GCNT4: variants seen among roughly 807,000 people sequenced by gnomAD.
GCNT4 encodes the protein beta-1,3-galactosyl-O-glycosyl-glycoprotein beta-1,6-N-acetylglucosaminyltransferase 4.
A neutral mutation model predicts 31.3 loss-of-function variants in GCNT4; 17 were observed. That is an observed-to-expected ratio of 0.54 (90% confidence interval 0.37 to 0.81). The LOEUF (loss-of-function observed/expected upper bound fraction) is 0.81. Ranked by LOEUF, GCNT4 falls within the 40% of genes least tolerant of loss-of-function variation. The pLI is 0.00. For synonymous variants in GCNT4, 158 were observed against 190.6 expected (o/e 0.83, Z 1.41); for missense variants, 503 against 525.5 (o/e 0.96, Z 0.42).
chr5:75,049,568 T>C (rs563873845), intron 2 of GCNT4, among the ~76,000 whole-genome samples: 3 of 152,318 alleles, frequency 2.0e-5, no homozygotes, highest in African/African-American at 7.2e-5. Flanking sequence ...TACAAGCATA[T>C]GGGAATGCAT....
intron 3 of GCNT4, among the ~76,000 whole-genome samples, chr5:75,041,857 G>A (rs1482026401): frequency 6.6e-6 from 1 of 152,228 alleles, no homozygotes; most frequent in East Asian, 1.9e-4. Context: ...GTCTTTAGCA[G>A]GAAGTGTAAA....
At chr5:75,050,298 G>C (rs1233422480) in intron 2 of GCNT4, among the ~76,000 whole-genome samples, 1 of 152,188 alleles carries the variant, frequency 6.6e-6, no homozygotes, top group Non-Finnish European at 1.5e-5. Flanking sequence ...TACATTACAT[G>C]AGCTTGATAT....
downstream of GCNT4, among the ~76,000 whole-genome samples, chr5:75,021,318 A>C (rs1742877993): frequency 6.6e-6 from 1 of 152,202 alleles, no homozygotes; most frequent in Non-Finnish European, 1.5e-5. Flanking sequence ...AAGGAACAAG[A>C]GGTTCTTATT....
chr5:75,030,318 G>A (rs1743034148), intron 3 of GCNT4: 2 of 364,572 alleles, frequency 5.5e-6, no homozygotes, highest in Admixed American at 9.2e-5. Flanking sequence ...TAAATATAGT[G>A]TGTCTTATAT....
intron 2 of GCNT4, among the ~76,000 whole-genome samples, chr5:75,049,771 A>G (rs1181693075): frequency 2.6e-5 from 4 of 152,216 alleles, no homozygotes; most frequent in Non-Finnish European, 5.9e-5. Flanking sequence ...CACATTAAGT[A>G]GAAGGTGCCT....
chr5:75,049,967 G>A (rs572408788), intron 2 of GCNT4, among the ~76,000 whole-genome samples: 3 of 152,324 alleles, frequency 2.0e-5, no homozygotes, highest in Admixed American at 2.0e-4. Context: ...CTTGCATAAT[G>A]CACACAGGCA....
chr5:75,037,829 G>A (rs1287516805), intron 3 of GCNT4, among the ~76,000 whole-genome samples: 1 of 151,416 alleles, frequency 6.6e-6, no homozygotes, highest in Non-Finnish European at 1.5e-5. Context: ...AGTGAGCTGA[G>A]ATCATGCCAG....
chr5:75,053,923 A>AGGG (rs1435612014), upstream of GCNT4, among the ~76,000 whole-genome samples: 1 of 152,164 alleles, frequency 6.6e-6, no homozygotes, highest in Admixed American at 6.5e-5. Flanking sequence ...AAAGTCGCTC[A>AGGG]CAAGGCAGTG....
chr5:75,035,335 G>C (rs544726941), intron 3 of GCNT4, among the ~76,000 whole-genome samples: 1 of 152,254 alleles, frequency 6.6e-6, no homozygotes, highest in South Asian at 2.1e-4. Flanking sequence ...GGAATGGTAA[G>C]TCAAGAATGA....
intron 3 of GCNT4, chr5:75,047,679 T>C (rs1743471764): frequency 6.6e-6 from 1 of 152,176 alleles, no homozygotes; most frequent in Non-Finnish European, 1.5e-5. Flanking sequence ...TGTACTCCTC[T>C]AAGAATCATG....
intron 3 of GCNT4, among the ~76,000 whole-genome samples, chr5:75,046,986 A>T (rs772779807): frequency 1.3e-5 from 2 of 152,334 alleles, no homozygotes; most frequent in East Asian, 3.9e-4. Flanking sequence ...AAAAATTTGT[A>T]CAAACTTTGT....
chr5:75,053,210 G>GGC (rs1047530557), upstream of GCNT4, among the ~76,000 whole-genome samples: 18 of 118,204 alleles, frequency 1.5e-4, no homozygotes, highest in Admixed American at 3.8e-4. Context: ...GCGTCTGCTA[G>GGC]GCGCGCGCCG....
At chr5:75,038,605 G>T (rs1743250350) in intron 3 of GCNT4, among the ~76,000 whole-genome samples, 1 of 152,222 alleles carries the variant, frequency 6.6e-6, no homozygotes, top group South Asian at 2.1e-4. Flanking sequence ...CTGCTTCCAA[G>T]ATGGTGCCTT....
Position 75,028,750 on chromosome 5 carries a change from C to G in GCNT4, c.1288G>C (p.Glu430Gln), listed in dbSNP as rs779415544. ...LIKCLAEKLE[E>Q]QQRDWITLPS... ...AAAGTGATCCAGTCTCTCTGCTGTT[C>G]TTCAAGCTTTTCTGCCAAGCATTTA... is the stretch of plus-strand genomic sequence containing the variant. The change falls in exon 4 of 4, where the codon GAA becomes CAA. Residue 430 changes from glutamate (E) to glutamine (Q), a missense_variant. Coordinates refer to ENST00000652361, the MANE Select transcript of GCNT4 (RefSeq NM_001366737.1). 1 of 1,613,980 alleles carries G rather than the reference C, an allele frequency of 6.2e-7. No individual in the cohort carries two copies. The highest frequency in any genetic ancestry group is 2.2e-5 in the East Asian group (1 of 44,878).
In GCNT4 at chr5:75,029,818, A is replaced by G. The variant is rs565493093; in HGVS notation, c.220T>C (p.Ser74Pro). The G allele has an allele frequency of 2.5e-6, 4 of 1,614,118 alleles. No homozygotes were observed. The highest frequency in any genetic ancestry group is 2.5e-6 in the Non-Finnish European group (3 of 1,179,996). ...AAAGGCTCCTGTTCATAGATACCCG[A>G]ACAGTTAACTTCATACCTGACTTCA... Reference protein sequence around the residue: ...KDEVRYEVNCSGIYEQEPLEI... With the variant: ...KDEVRYEVNCPGIYEQEPLEI... Residue 74 changes from serine to proline, a missense_variant, in exon 4 of 4, where the codon TCG (serine) becomes CCG (proline). Coordinates refer to ENST00000652361, the MANE Select transcript of GCNT4 (RefSeq NM_001366737.1).
the GCNT4 span, among the ~76,000 whole-genome samples, chr5:75,020,234 T>C: frequency 6.6e-6 from 1 of 152,220 alleles, no homozygotes; most frequent in Non-Finnish European, 1.5e-5. Flanking sequence ...AAGGTATAAC[T>C]GCCCTGCAGA....
At chr5:75,044,402 T>C (rs1258073457) in intron 3 of GCNT4, among the ~76,000 whole-genome samples, 3 of 151,328 alleles carry the variant, frequency 2.0e-5, no homozygotes, top group African/African-American at 4.9e-5. Flanking sequence ...TTAAAGCCAA[T>C]GGTTCTGAAC....
At chr5:75,021,431 G>C (rs1292229465), downstream of GCNT4, among the ~76,000 whole-genome samples, 1 of 152,208 alleles carries the variant, frequency 6.6e-6, no homozygotes, top group Admixed American at 6.5e-5. Flanking sequence ...GTGAGAGGCT[G>C]TAATTGGCCC....
Position 75,028,664 on chromosome 5 carries a change from C to T in GCNT4, c.*12G>A. On this transcript the variant is annotated 3_prime_UTR_variant, in exon 4 of 4. Coordinates refer to ENST00000652361, the MANE Select transcript of GCNT4 (RefSeq NM_001366737.1). ...TATCAGGCACCCTCTTATTTCCATC[C>T]TGATTTTACTATCATGATGTGGTAG... 1 of 1,597,198 alleles carries T rather than the reference C, an allele frequency of 6.3e-7. No homozygotes were observed. Among genetic ancestry groups the T allele is most frequent in the Non-Finnish European group, 8.5e-7 (1 of 1,171,690 alleles).
Sources: gnomAD v4.1 joint callset for allele counts (sites outside exome capture counted in the v4.1 genomes callset) on GRCh38, gnomAD v4.1.1 for gene constraint, MANE v1.5 for transcripts, NCBI Gene and HGNC (gene_info 2026-07-23, HGNC 2026-07-21) for gene names.